KCNN2: variants seen among roughly 807,000 people sequenced by gnomAD.
The protein encoded by KCNN2 is potassium calcium-activated channel subfamily N member 2.
KCNN2 carries 24 observed loss-of-function variants against 55.5 expected under a neutral mutation model. The observed-to-expected ratio is 0.43, with a 90% CI of 0.31 to 0.61. The LOEUF is 0.61. KCNN2 is among the 20% of genes least tolerant of loss of function. The pLI is 0.08. For missense variants in KCNN2, 754 were observed against 853.6 expected, an observed-to-expected ratio of 0.88 and a Z score of 1.45; for synonymous variants, 431 against 336.1, an observed-to-expected ratio of 1.28 and a Z score of -3.09.
chr5:114,483,781 TTTAC>T (rs1762336207), intron 5 of KCNN2, among the ~76,000 whole-genome samples: 1 of 151,626 alleles, frequency 6.6e-6, no homozygotes, highest in African/African-American at 2.4e-5. Flanking sequence ...TTCCCCCCAC[TTTAC>T]TTATTTTTTG....
intron 2 of KCNN2, among the ~76,000 whole-genome samples, chr5:114,293,200 C>T (rs143768330): frequency 0.071 from 10,835 of 152,162 alleles, 1,315 homozygotes; most frequent in African/African-American, 0.25. Flanking sequence ...TCCTGCCTGA[C>T]TGCCCTGGCC....
intron 2 of KCNN2, among the ~76,000 whole-genome samples, chr5:114,306,841 C>T (rs1188986692): frequency 6.6e-6 from 1 of 151,966 alleles, no homozygotes; most frequent in African/African-American, 2.4e-5. Context: ...GCTGGAACTA[C>T]AGGCACACAC....
chr5:114,180,418 C>G (rs1753216649), intron 1 of KCNN2, among the ~76,000 whole-genome samples: 1 of 152,032 alleles, frequency 6.6e-6, no homozygotes. Flanking sequence ...TTTCTTGCCT[C>G]TGTGTTTATA....
At chr5:114,462,772 T>C (rs1761267713) in intron 3 of KCNN2, among the ~76,000 whole-genome samples, 1 of 152,216 alleles carries the variant, frequency 6.6e-6, no homozygotes, top group South Asian at 2.1e-4. Context: ...CGGAGGAGTC[T>C]ACAAAGATAA....
At chr5:114,399,917 GGTTTTTTTTTTT>G (rs1179060194) in intron 2 of KCNN2, among the ~76,000 whole-genome samples, 5 of 139,320 alleles carry the variant, frequency 3.6e-5, no homozygotes, top group African/African-American at 1.5e-4. Flanking sequence ...AGCCTTTGAG[GGTTTTTTTTTTT>G]GTTTTTTTTT....
intron 1 of KCNN2, among the ~76,000 whole-genome samples, chr5:114,122,598 T>C (rs557737229): frequency 3.9e-4 from 60 of 152,276 alleles, no homozygotes; most frequent in Middle Eastern, 3.4e-3. Flanking sequence ...CTTTGTTGGG[T>C]AGGATACTTA....
chr5:114,447,414 C>G (rs1195589244), intron 3 of KCNN2, among the ~76,000 whole-genome samples: 1 of 152,156 alleles, frequency 6.6e-6, no homozygotes, highest in Non-Finnish European at 1.5e-5. Context: ...AAGGAAATGT[C>G]TCTGGGTTTG....
At chr5:114,397,125 G>A (rs532550981) in intron 2 of KCNN2, among the ~76,000 whole-genome samples, 2 of 152,206 alleles carry the variant, frequency 1.3e-5, no homozygotes, top group South Asian at 2.1e-4. Flanking sequence ...CTCTACCAAT[G>A]AAGGGCATTT....
At chr5:114,323,317 T>C (rs1301856346) in intron 2 of KCNN2, among the ~76,000 whole-genome samples, 1 of 152,198 alleles carries the variant, frequency 6.6e-6, no homozygotes, top group Non-Finnish European at 1.5e-5. Context: ...ATAAAGTTGC[T>C]TGATGTCTCT....
intron 2 of KCNN2, among the ~76,000 whole-genome samples, chr5:114,272,420 C>CAT (rs139749584): frequency 0.07 from 1,117 of 15,952 alleles, 346 homozygotes; most frequent in Admixed American, 0.13. Flanking sequence ...TATCTACACA[C>CAT]ATATGTACGT....
chr5:114,486,860 G>A, intron 5 of KCNN2, 190 bp from the exon 6 acceptor site: 1 of 1,165,994 alleles, frequency 8.6e-7, no homozygotes, highest in Non-Finnish European at 1.2e-6. Flanking sequence ...TTCAATTTAA[G>A]TGTTGTTCCC....
intron 1 of KCNN2, among the ~76,000 whole-genome samples, chr5:114,098,653 C>T (rs1318633119): frequency 6.6e-6 from 1 of 151,954 alleles, no homozygotes; most frequent in East Asian, 1.9e-4. Flanking sequence ...CGAAACTGGT[C>T]CCTGGTACCA....
intron 1 of KCNN2, among the ~76,000 whole-genome samples, chr5:114,166,644 A>C (rs937377299): frequency 2.6e-5 from 4 of 152,094 alleles, no homozygotes; most frequent in African/African-American, 9.7e-5. Context: ...TCTACAACCC[A>C]TGTACCATGC....
chr5:114,403,474 T>C (rs1758844453), intron 2 of KCNN2, among the ~76,000 whole-genome samples: 1 of 152,200 alleles, frequency 6.6e-6, no homozygotes, highest in South Asian at 2.1e-4. Flanking sequence ...TCCTAATACG[T>C]GGGACTCTCA....
chr5:114,171,896 G>A (rs974558334), intron 1 of KCNN2, among the ~76,000 whole-genome samples: 13 of 151,880 alleles, frequency 8.6e-5, no homozygotes, highest in Non-Finnish European at 1.6e-4. Context: ...AATTGTGTGT[G>A]TGAGGAAGGT....
intron 1 of KCNN2, among the ~76,000 whole-genome samples, chr5:114,148,658 C>A (rs951905307): frequency 1.3e-5 from 2 of 152,034 alleles, no homozygotes; most frequent in Non-Finnish European, 2.9e-5. Context: ...AGAAACAGGC[C>A]ATTCAGATGA....
chr5:114,186,408 G>A (rs1753336166), intron 1 of KCNN2, among the ~76,000 whole-genome samples: 1 of 152,080 alleles, frequency 6.6e-6, no homozygotes, highest in Non-Finnish European at 1.5e-5. Flanking sequence ...GAAAAATGAG[G>A]TGCCATTTTC....
At chr5:114,399,566 T>C (rs936070663) in intron 2 of KCNN2, among the ~76,000 whole-genome samples, 2 of 152,192 alleles carry the variant, frequency 1.3e-5, no homozygotes, top group Non-Finnish European at 2.9e-5. Flanking sequence ...TTTATTTTTT[T>C]GTTGTGTCTC....
intron 2 of KCNN2, among the ~76,000 whole-genome samples, chr5:114,322,636 C>T (rs764355271): frequency 6.3e-4 from 96 of 151,662 alleles, no homozygotes; most frequent in Admixed American, 1.5e-3. Context: ...AGCTGAGTAA[C>T]AGAGTATTTT....
Sources: allele counts gnomAD v4.1 joint callset (sites outside exome capture counted in the v4.1 genomes callset), GRCh38; gene constraint gnomAD v4.1.1; transcripts MANE v1.5; gene names NCBI Gene and HGNC (gene_info 2026-07-23, HGNC 2026-07-21).